The following ZNF331 variants were observed in gnomAD, a reference collection of about 807,000 sequenced individuals.
The protein encoded by ZNF331 is zinc finger protein 331.
Under a neutral mutation model 7.0 loss-of-function variants are expected in ZNF331, and 2 were observed. The ratio of observed to expected loss-of-function variants is 0.29; its 90% confidence interval spans 0.12 to 0.90. The LOEUF is 0.90. ZNF331 is among the 40% of genes least tolerant of loss of function. The pLI is 0.58. For synonymous variants in ZNF331, 196 were observed against 205.4 expected, an observed-to-expected ratio of 0.95 and a Z score of 0.39; for missense variants, 432 against 587.7, an observed-to-expected ratio of 0.74 and a Z score of 2.74.
Position 53,579,400 on chromosome 19 carries a change from C to G in ZNF331, c.*1448C>G, listed in dbSNP as rs2090846668. The stretch of plus-strand genomic sequence containing the variant: ...GACACTGGGCCAAAGGCTCACTACC[C>G]CTGTGCGTTGTCCAGCACACAGACA... On this transcript the variant is annotated 3_prime_UTR_variant, in exon 6 of 6. Coordinates refer to ENST00000449416, the MANE Select transcript of ZNF331 (RefSeq NM_001079906.2). 2 of 221,160 alleles carry G rather than the reference C, an allele frequency of 9.0e-6. No homozygotes were observed. The highest frequency in any genetic ancestry group is 1.8e-5 in the Non-Finnish European group (2 of 110,294). The allele number at this position is 221,160 out of a possible 1,614,324, so 13.7% of individuals were successfully genotyped here.
intron 2 of ZNF331, among the ~76,000 whole-genome samples, chr19:53,528,871 G>A (rs535350706): frequency 8.0e-4 from 122 of 151,814 alleles, no homozygotes; most frequent in Admixed American, 2.2e-3. Flanking sequence ...TGCAGCCTCC[G>A]CCTCCCAGGT....
At chr19:53,519,201 AG>A (rs200809695), upstream of ZNF331, among the ~76,000 whole-genome samples, 1,907 of 152,218 alleles carry the variant, frequency 0.013, 20 homozygotes, top group Middle Eastern at 0.024. Context: ...GAGCTCCAGG[AG>A]GCTCCCTGAT....
At chr19:53,505,120 C>T in the ZNF331 span, among the ~76,000 whole-genome samples, 3 of 152,172 alleles carry the variant, frequency 2.0e-5, no homozygotes, top group African/African-American at 7.2e-5. Flanking sequence ...TGTAAGCACA[C>T]GAGGCTTGTT....
chr19:53,538,067 T>A (rs1042232469), upstream of ZNF331: 6 of 152,418 alleles, frequency 3.9e-5, no homozygotes, highest in African/African-American at 1.4e-4. Context: ...GCTCTGCTGC[T>A]GTCTGCGCGC....
the ZNF331 span, among the ~76,000 whole-genome samples, chr19:53,509,340 A>G: frequency 1.1e-4 from 16 of 152,314 alleles, no homozygotes; most frequent in East Asian, 3.1e-3. Flanking sequence ...CCCCAGACCC[A>G]GCCTCCAACA....
At chr19:53,506,191 C>T in the ZNF331 span, among the ~76,000 whole-genome samples, 107 of 144,676 alleles carry the variant, frequency 7.4e-4, 1 homozygote, top group Non-Finnish European at 1.1e-3. Context: ...AAAAATTAGC[C>T]GGGCGTGGTG....
the ZNF331 span, among the ~76,000 whole-genome samples, chr19:53,506,782 G>A: frequency 6.6e-6 from 1 of 152,164 alleles, no homozygotes; most frequent in Non-Finnish European, 1.5e-5. Context: ...TGTGTTGTGT[G>A]TTTTTGGGCT....
intron 2 of ZNF331, chr19:53,523,317 G>C (rs2569573): frequency 0.34 from 52,110 of 151,284 alleles, 9,649 homozygotes; most frequent in African/African-American, 0.49. Context: ...GTCCTGGGTT[G>C]CAGCGATTCT....
upstream of ZNF331, among the ~76,000 whole-genome samples, chr19:53,520,518 G>A (rs956448940): frequency 6.6e-6 from 1 of 152,208 alleles, no homozygotes; most frequent in Non-Finnish European, 1.5e-5. Flanking sequence ...GGAGAAGGCC[G>A]ACAGGGCTTC....
At position 53,575,499 on chromosome 19, in the gene ZNF331, CTTTTTTTTTTT is replaced by C. The variant is rs34296898; in HGVS notation, c.137-1186_137-1176del. Among the ~76,000 whole-genome samples, 60 of 75,892 alleles carry C rather than the reference CTTTTTTTTTTT, an allele frequency of 7.9e-4. 1 individual carries two copies. Among genetic ancestry groups the C allele is most frequent in the Admixed American group, 6.3e-3 (41 of 6,490 alleles). 49.8% of individuals were successfully genotyped at this position (75,892 alleles called of 152,430 possible). A position where few individuals can be genotyped will look rare whatever the true frequency, so the allele number is the denominator to read the frequency against. On this transcript the variant is annotated intron_variant, in intron 5 of 5. Coordinates refer to ENST00000449416, the MANE Select transcript of ZNF331 (RefSeq NM_001079906.2). ...AATGTTGTATTCTTTTACCCAGTTG[CTTTTTTTTTTT>C]TTTTTTTTTTTGAGACGGAGTCTTA...
chr19:53,524,012 T>C lies in ZNF331; in HGVS notation c.-205+1328T>C, dbSNP rs527848754. Among the ~76,000 whole-genome samples, 7 of 152,258 alleles carry C rather than the reference T, an allele frequency of 4.6e-5. No individual in the cohort carries two copies. In the South Asian group the frequency reaches 1.5e-3, roughly 32 times the overall value. On this transcript the variant is annotated intron_variant, in intron 2 of 6. Transcript: ENST00000253144. The stretch of plus-strand genomic sequence containing the variant: ...CCCACCTATGAGTGAGAACATGCGG[T>C]GTTTGGTTTTCTGTCCTTGTGATAG...
chr19:53,532,560 A>G (rs1334085262), intron 2 of ZNF331, among the ~76,000 whole-genome samples: 2 of 152,194 alleles, frequency 1.3e-5, no homozygotes, highest in Non-Finnish European at 2.9e-5. Flanking sequence ...ACTTGGGAGC[A>G]TTCCTTCCTC....
At chr19:53,507,560 A>T in the ZNF331 span, among the ~76,000 whole-genome samples, 1 of 152,246 alleles carries the variant, frequency 6.6e-6, no homozygotes, top group Non-Finnish European at 1.5e-5. Flanking sequence ...TGGGGTCCCA[A>T]ATTTACCATG....
rs572134165 is a variant in ZNF331, at chr19:53,574,777, C to T, written c.137-1920C>T. Among the ~76,000 whole-genome samples, 12 of 152,274 alleles carry T rather than the reference C, an allele frequency of 7.9e-5. No homozygotes were observed. In the South Asian group the frequency reaches 1.5e-3, roughly 18 times the overall value. On this transcript the variant is annotated intron_variant, in intron 5 of 5. Coordinates refer to ENST00000449416, the MANE Select transcript of ZNF331 (RefSeq NM_001079906.2). Reference sequence around the variant, plus strand: ...TCACACTGGGGGCTCAAATGGTGCGCGCCTATCACTGCCCCTTCATTTATC... The same window carrying T: ...TCACACTGGGGGCTCAAATGGTGCGTGCCTATCACTGCCCCTTCATTTATC...
At chr19:53,527,532 G>A (rs1250703953) in intron 2 of ZNF331, among the ~76,000 whole-genome samples, 2 of 152,176 alleles carry the variant, frequency 1.3e-5, no homozygotes, top group African/African-American at 2.4e-5. Context: ...AGAGAAAGAG[G>A]TGAGGATTTA....
chr19:53,578,250 T>C lies in ZNF331; in HGVS notation c.*298T>C. On this transcript the variant is annotated 3_prime_UTR_variant, in exon 6 of 6. Coordinates refer to ENST00000449416, the MANE Select transcript of ZNF331 (RefSeq NM_001079906.2). ...CAGATCAACTATCCCAGCATCACAG[T>C]GCCTGTGCCCAAGCAGTCCTCACTT... The C allele has an allele frequency of 2.7e-6, 1 of 365,102 alleles. No homozygotes were observed. Among genetic ancestry groups the C allele is most frequent in the Non-Finnish European group, 5.1e-6 (1 of 197,694 alleles). The allele number at this position is 365,102 out of a possible 1,614,324, so 22.6% of individuals were successfully genotyped here.
chr19:53,567,484 A>G (rs56136926), intron 3 of ZNF331, among the ~76,000 whole-genome samples: 12,755 of 152,120 alleles, frequency 0.084, 676 homozygotes, highest in East Asian at 0.24. Flanking sequence ...TGGTCTGCAT[A>G]GAAGACCACC....
At position 53,559,878 on chromosome 19, in the gene ZNF331, TAC is replaced by T. The variant is rs533530335; in HGVS notation, c.-74+3978_-74+3979del. ...TACATACCATACACACACGAGCATA[TAC>T]ACACACATGCCATACACACACATAT... On this transcript the variant is annotated intron_variant, in intron 3 of 5. Coordinates refer to ENST00000449416, the MANE Select transcript of ZNF331 (RefSeq NM_001079906.2). Among the ~76,000 whole-genome samples the T allele has an allele frequency of 1.7e-4, 26 of 149,594 alleles. No homozygotes were observed. In the East Asian group the frequency reaches 3.6e-3, roughly 21 times the overall value.
chr19:53,576,580 T>C lies in ZNF331; in HGVS notation c.137-117T>C. 3.5e-6 allele frequency: 3 copies of C among 850,988 alleles called. No homozygotes were observed. In the South Asian group the frequency reaches 5.6e-5, roughly 16 times the overall value. 52.7% of individuals were successfully genotyped at this position (850,988 alleles called of 1,614,324 possible). ...ACATTTTAACAAGAGCCCTGGGTGA[T>C]TCACATTTATTCTACTGGATAATTT... is the stretch of plus-strand genomic sequence containing the variant. On this transcript the variant is annotated intron_variant, in intron 5 of 5. Transcript: ENST00000449416.
Sources: gnomAD v4.1 joint callset for allele counts (sites outside exome capture counted in the v4.1 genomes callset) on GRCh38, gnomAD v4.1.1 for gene constraint, MANE v1.5 for transcripts, NCBI Gene and HGNC (gene_info 2026-07-23, HGNC 2026-07-21) for gene names.